VPS37B: variants seen among roughly 807,000 people sequenced by gnomAD.
VPS37B encodes vacuolar protein sorting-associated protein 37B.
In VPS37B, 11 loss-of-function variants were observed where a neutral mutation model predicts 21.2. That is an observed-to-expected ratio of 0.52 (90% confidence interval 0.33 to 0.86). The LOEUF is 0.86. Among genes scored for constraint, VPS37B ranks in the 40% least tolerant of loss-of-function variants. VPS37B has a pLI of 0.03. For missense variants in VPS37B, 389 were observed against 374.8 expected, an observed-to-expected ratio of 1.04 and a Z score of -0.31; for synonymous variants, 175 against 159.6, an observed-to-expected ratio of 1.10 and a Z score of -0.73.
Position 122,868,452 on chromosome 12 carries a change from G to A in VPS37B, c.366+28C>T, listed in dbSNP as rs2033953955. 2 of 1,607,064 alleles carry A rather than the reference G, an allele frequency of 1.2e-6. No individual in the cohort carries two copies. The highest frequency in any genetic ancestry group is 1.7e-6 in the Non-Finnish European group (2 of 1,176,750). ...CCACGGACTGCCCAAAGCGCCCCAAGGATTCCACCAAGGCTGGTGGGCTTT... is the reference window on the plus strand; with the variant it reads ...CCACGGACTGCCCAAAGCGCCCCAAAGATTCCACCAAGGCTGGTGGGCTTT... On this transcript the variant is annotated intron_variant, in intron 3 of 3. Transcript: ENST00000267202. This position sits in a 1 kb window ranked among gnomAD's most constrained non-coding sequence, Gnocchi z 5.5.
At chr12:122,892,814 A>G (rs1234675965) in intron 1 of VPS37B, among the ~76,000 whole-genome samples, 1 of 152,206 alleles carries the variant, frequency 6.6e-6, no homozygotes. Flanking sequence ...TAATTCTAGC[A>G]CTATGGGAGG....
intron 1 of VPS37B, among the ~76,000 whole-genome samples, chr12:122,892,354 A>G (rs2034426089): frequency 6.6e-6 from 1 of 152,184 alleles, no homozygotes; most frequent in South Asian, 2.1e-4. Flanking sequence ...CACAATTAAA[A>G]CAATGTAAGT....
rs377731980 is a variant in VPS37B, at chr12:122,867,091, C to A, written c.*25G>T. Reference sequence around the variant, plus strand: ...GCACAACACGCCAGGTGGAAGAAGTCTCCCGGGAAGGACCGCGCCGGCGCT... The same window carrying A: ...GCACAACACGCCAGGTGGAAGAAGTATCCCGGGAAGGACCGCGCCGGCGCT... On this transcript the variant is annotated 3_prime_UTR_variant, in exon 4 of 4. Coordinates refer to ENST00000267202, the MANE Select transcript of VPS37B (RefSeq NM_024667.3). This position sits in a 1 kb window ranked among gnomAD's most constrained non-coding sequence, Gnocchi z 5.5. 9.3e-6 allele frequency: 14 copies of A among 1,499,458 alleles called. No homozygotes were observed. The highest frequency in any genetic ancestry group is 8.0e-6 in the Non-Finnish European group (9 of 1,128,938). The allele number at this position is 1,499,458 out of a possible 1,614,324, so 92.9% of individuals were successfully genotyped here. A position where few individuals can be genotyped will look rare whatever the true frequency, so the allele number is the denominator to read the frequency against.
chr12:122,871,408 T>C (rs989379115), intron 1 of VPS37B: 11 of 1,019,120 alleles, frequency 1.1e-5, no homozygotes, highest in African/African-American at 8.6e-5. Flanking sequence ...TGTAAAGATT[T>C]AGAATCTGAT....
At chr12:122,869,806 A>G (rs2033986872) in intron 2 of VPS37B, among the ~76,000 whole-genome samples, 1 of 152,076 alleles carries the variant, frequency 6.6e-6, no homozygotes, top group East Asian at 1.9e-4. Flanking sequence ...ACAGGGCTGC[A>G]ATCATGGCTC....
intron 1 of VPS37B, chr12:122,888,865 C>T (rs1450680549): frequency 3.4e-6 from 1 of 294,322 alleles, no homozygotes; most frequent in Non-Finnish European, 6.8e-6. Flanking sequence ...CCAAGCAGAG[C>T]ATTCACCCTG....
chr12:122,889,212 G>A (rs911831372), intron 1 of VPS37B: 2 of 152,422 alleles, frequency 1.3e-5, no homozygotes, highest in African/African-American at 4.8e-5. Context: ...GGTATACAAA[G>A]AAGCTAAGAG....
intron 1 of VPS37B, among the ~76,000 whole-genome samples, chr12:122,893,638 G>C (rs1292456980): frequency 6.6e-6 from 1 of 152,170 alleles, no homozygotes; most frequent in Non-Finnish European, 1.5e-5. Context: ...AGGATTGACA[G>C]TGATCCTCGC....
chr12:122,869,599 G>C (rs1393408539), intron 2 of VPS37B, among the ~76,000 whole-genome samples: 1 of 151,876 alleles, frequency 6.6e-6, no homozygotes, highest in East Asian at 1.9e-4. Context: ...AAACCTCACT[G>C]CAGAAGGTGA....
intron 1 of VPS37B, chr12:122,871,397 C>G: frequency 9.6e-7 from 1 of 1,039,362 alleles, no homozygotes; most frequent in Non-Finnish European, 1.2e-6. Context: ...AAGTAAACAG[C>G]TGTAAAGATT....
Position 122,868,540 on chromosome 12 carries a change from G to T in VPS37B, c.306C>A (p.Ser102=). Residue 102 remains serine, a synonymous_variant, in exon 3 of 4, where the codon TCC becomes TCA. Transcript: ENST00000267202. This position sits in a 1 kb window ranked among gnomAD's most constrained non-coding sequence, Gnocchi z 5.5. ...TKLDRQSSSA[S]LETLLALLQA... ...GAAGAAGTGCTAACAGGGTCTCCAA[G>T]GAAGCACTGCTAGACTGTCTGTCTG... 6.2e-7 allele frequency: 1 copy of T among 1,613,794 alleles called. No homozygotes were observed. Among genetic ancestry groups the T allele is most frequent in the Non-Finnish European group, 8.5e-7 (1 of 1,179,894 alleles).
rs146313658 is a variant in VPS37B at position 122,867,231 on chromosome 12, C to T, written c.743G>A (p.Gly248Asp). The change falls in exon 4 of 4, where the codon GGC becomes GAC. Residue 248 changes from glycine to aspartate, a missense_variant. Gly to Asp is a moderately conservative substitution (Grantham distance 94, BLOSUM62 -1). Coordinates refer to ENST00000267202, the MANE Select transcript of VPS37B (RefSeq NM_024667.3). The surrounding 1 kb of genome is among the most constrained non-coding windows in gnomAD (Gnocchi z 5.5). ...AGAGAATCCTTGCTGAGTGGGGAGG[C>T]CCACGCGGGGGGGCAGGGGCGGGCA... is the stretch of plus-strand genomic sequence containing the variant. Reference protein sequence around the residue: ...LQCPPLPPRVGLPTQQGFSSQ... With the variant: ...LQCPPLPPRVDLPTQQGFSSQ... 25 of 1,572,070 alleles carry T rather than the reference C, an allele frequency of 1.6e-5. No homozygotes were observed. The highest frequency in any genetic ancestry group is 2.1e-5 in the Non-Finnish European group (24 of 1,162,622).
Position 122,867,738 on chromosome 12 carries a change from C to T in VPS37B, c.367-131G>A. Reference sequence around the variant, plus strand: ...CCCCTCCCTGTAACCACCCAGAGGGCCTCGCTCCTGCTCCAGATCCCAGAG... The same window carrying T: ...CCCCTCCCTGTAACCACCCAGAGGGTCTCGCTCCTGCTCCAGATCCCAGAG... On this transcript the variant is annotated intron_variant, in intron 3 of 3. Coordinates refer to ENST00000267202, the MANE Select transcript of VPS37B (RefSeq NM_024667.3). This position sits in a 1 kb window ranked among gnomAD's most constrained non-coding sequence, Gnocchi z 5.5. 22 of 1,214,730 alleles carry T rather than the reference C, an allele frequency of 1.8e-5. No homozygotes were observed. In the South Asian group the frequency reaches 2.9e-4, roughly 16 times the overall value. 75.2% of individuals were successfully genotyped at this position (1,214,730 alleles called of 1,614,324 possible).
In VPS37B at chr12:122,867,553, C is replaced by G. The variant is rs375131471; in HGVS notation, c.421G>C (p.Val141Leu). Residue 141 changes from valine (V) to leucine (L), a missense_variant, in exon 4 of 4, where the codon GTC becomes CTC. Physicochemically the swap from Val to Leu is conservative, Grantham distance 32. Transcript: ENST00000267202. The surrounding 1 kb of genome is among the most constrained non-coding windows in gnomAD (Gnocchi z 5.5). Reference protein sequence around the residue: ...GELPLDSFIDVYQSKRKLAHM... With the variant: ...GELPLDSFIDLYQSKRKLAHM... Reference sequence around the variant, plus strand: ...GCCAGTTTCCGTTTGCTCTGATAGACATCAATGAAGGAATCCAGAGGAAGT... The same window carrying G: ...GCCAGTTTCCGTTTGCTCTGATAGAGATCAATGAAGGAATCCAGAGGAAGT... 3.7e-6 allele frequency: 6 copies of G among 1,613,888 alleles called. No individual in the cohort carries two copies. The highest frequency in any genetic ancestry group is 5.1e-6 in the Non-Finnish European group (6 of 1,180,016).
chr12:122,881,916 A>G (rs1034513690), intron 1 of VPS37B: 1 of 152,212 alleles, frequency 6.6e-6, no homozygotes, highest in East Asian at 1.9e-4. Context: ...ACATTTGCCA[A>G]TCTTCATCTA....
chr12:122,866,825 T>G lies in VPS37B; in HGVS notation c.*291A>C. 1 of 355,528 alleles carries G rather than the reference T, an allele frequency of 2.8e-6. No homozygotes were observed. 22.0% of individuals were successfully genotyped at this position (355,528 alleles called of 1,614,324 possible). The stretch of plus-strand genomic sequence containing the variant: ...TAAATGGGACTGGGGGAGAGGCCTA[T>G]TTCTTCCCAAACATGAGTTCATCAA... On this transcript the variant is annotated 3_prime_UTR_variant, in exon 4 of 4. Coordinates refer to ENST00000267202, the MANE Select transcript of VPS37B (RefSeq NM_024667.3).
At position 122,868,733 on chromosome 12, in the gene VPS37B, A is replaced by G. The variant is rs568994400; in HGVS notation, c.284-171T>C. ...GCCAGTGCCCAGGGGCCAACATCCC[A>G]TGTCAGAGCAACCTGTGTCACCAGC... On this transcript the variant is annotated intron_variant, in intron 2 of 3. Coordinates refer to ENST00000267202, the MANE Select transcript of VPS37B (RefSeq NM_024667.3). The surrounding 1 kb of genome is among the most constrained non-coding windows in gnomAD (Gnocchi z 5.5). Among the ~76,000 whole-genome samples, 1 of 152,314 alleles carries G rather than the reference A, an allele frequency of 6.6e-6. No individual in the cohort carries two copies. The highest frequency in any genetic ancestry group is 2.4e-5 in the African/African-American group (1 of 41,578).
In VPS37B at chr12:122,867,661, C is replaced by T. The variant is rs1201491412; in HGVS notation, c.367-54G>A. ...GACAGCCAGATGGGGAGGATGCTCC[C>T]TTCGTGGTCTAGGCACAAGGAGAGG... On this transcript the variant is annotated intron_variant, in intron 3 of 3. Transcript: ENST00000267202. The surrounding 1 kb of genome is among the most constrained non-coding windows in gnomAD (Gnocchi z 5.5). 1.9e-5 allele frequency: 30 copies of T among 1,600,786 alleles called. No homozygotes were observed. Among genetic ancestry groups the T allele is most frequent in the Non-Finnish European group, 2.5e-5 (29 of 1,179,472 alleles).
chr12:122,874,906 C>A (rs2034115498), intron 1 of VPS37B: 1 of 136,616 alleles, frequency 7.3e-6, no homozygotes, highest in South Asian at 2.5e-4. Context: ...AAGATCGCGC[C>A]ACTGCACTCC....
Sources: allele counts gnomAD v4.1 joint callset (sites outside exome capture counted in the v4.1 genomes callset), GRCh38; gene constraint gnomAD v4.1.1; non-coding constraint Gnocchi (gnomAD v3.1); transcripts MANE v1.5; gene names NCBI Gene and HGNC (gene_info 2026-07-23, HGNC 2026-07-21).